The following PPM1L variants were observed in gnomAD, a reference collection of about 807,000 sequenced individuals.
The protein encoded by PPM1L is protein phosphatase, Mg2+/Mn2+ dependent 1L.
In PPM1L, 13 loss-of-function variants were observed where a neutral mutation model predicts 31.4. That is an observed-to-expected ratio of 0.41 (90% CI 0.27 to 0.66). The LOEUF (loss-of-function observed/expected upper bound fraction) is 0.66, where lower values mean the gene tolerates loss of function less well. PPM1L is among the 30% of genes least tolerant of loss of function. The pLI, the probability that PPM1L is intolerant of heterozygous loss-of-function variation, is 0.29. For missense variants in PPM1L, 326 were observed against 453.7 expected (o/e 0.72, Z 2.56); for synonymous variants, 184 against 175.4 (o/e 1.05, Z -0.39).
intron 2 of PPM1L, among the ~76,000 whole-genome samples, chr3:160,964,404 T>C (rs1421894026): frequency 2.0e-5 from 3 of 151,904 alleles, no homozygotes; most frequent in Non-Finnish European, 2.9e-5. Flanking sequence ...AAAAAATATA[T>C]TTACTGTATT....
At chr3:160,973,142 A>G (rs910781300) in intron 2 of PPM1L, among the ~76,000 whole-genome samples, 53 of 152,350 alleles carry the variant, frequency 3.5e-4, no homozygotes, top group African/African-American at 1.2e-3. Flanking sequence ...AACTTTGCTG[A>G]GAAAACCAGA....
intron 2 of PPM1L, among the ~76,000 whole-genome samples, chr3:161,035,360 G>A (rs537945930): frequency 6.6e-6 from 1 of 152,314 alleles, no homozygotes; most frequent in East Asian, 1.9e-4. Flanking sequence ...TCTGTTTCAT[G>A]GTTTGTGTTG....
At chr3:160,799,767 C>T (rs1395186439) in intron 1 of PPM1L, among the ~76,000 whole-genome samples, 1 of 152,186 alleles carries the variant, frequency 6.6e-6, no homozygotes, top group Non-Finnish European at 1.5e-5. Flanking sequence ...TGTATGTCAC[C>T]TATCAGAGAG....
rs1715279698 is a variant in PPM1L at position 160,944,780 on chromosome 3, ATAT to A, written c.400-16952_400-16950del. 4.5e-5 allele frequency among the ~76,000 whole-genome samples: 3 copies of A among 66,446 alleles called. 1 individual carries two copies. Among genetic ancestry groups the A allele is most frequent in the Non-Finnish European group, 7.3e-5 (2 of 27,326 alleles). 43.6% of individuals were successfully genotyped at this position (66,446 alleles called of 152,430 possible). On this transcript the variant is annotated intron_variant, in intron 1 of 3. Transcript: ENST00000498165. Reference sequence around the variant, plus strand: ...TGTTATATATAACATGTTATATATTATATTATATATGTTATATATAACATATAT... The same window carrying A: ...TGTTATATATAACATGTTATATATTATATATATGTTATATATAACATATAT...
intron 1 of PPM1L, among the ~76,000 whole-genome samples, chr3:160,809,782 T>C (rs181999961): frequency 4.5e-4 from 68 of 152,264 alleles, no homozygotes; most frequent in African/African-American, 1.5e-3. Context: ...CTGAATGTTA[T>C]TTACTCCATC....
At chr3:161,040,384 G>T (rs1208515329) in intron 2 of PPM1L, among the ~76,000 whole-genome samples, 1 of 152,062 alleles carries the variant, frequency 6.6e-6, no homozygotes, top group Non-Finnish European at 1.5e-5. Context: ...TGTATCGAGG[G>T]ACTGATATAA....
intron 2 of PPM1L, among the ~76,000 whole-genome samples, chr3:161,047,922 A>G (rs1301721012): frequency 2.0e-4 from 31 of 152,254 alleles, no homozygotes; most frequent in Admixed American, 2.0e-3. Context: ...CTTACACCTT[A>G]TACAAAAATT....
At chr3:161,046,274 A>G (rs1292341461) in intron 2 of PPM1L, among the ~76,000 whole-genome samples, 1 of 152,194 alleles carries the variant, frequency 6.6e-6, no homozygotes, top group Non-Finnish European at 1.5e-5. Context: ...CCGATCCCAC[A>G]GAAATACAAA....
intron 2 of PPM1L, among the ~76,000 whole-genome samples, chr3:161,025,415 T>A (rs1036403011): frequency 6.6e-6 from 1 of 151,668 alleles, no homozygotes. Flanking sequence ...TTAAAAAAAA[T>A]AAATAAATTA....
chr3:160,895,671 G>A (rs1433660265), intron 1 of PPM1L, among the ~76,000 whole-genome samples: 1 of 152,132 alleles, frequency 6.6e-6, no homozygotes, highest in African/African-American at 2.4e-5. Context: ...TTTGTTTGTG[G>A]TTCTTGATCC....
intron 1 of PPM1L, among the ~76,000 whole-genome samples, chr3:160,810,288 CT>C (rs1712769044): frequency 6.6e-6 from 1 of 151,984 alleles, no homozygotes; most frequent in African/African-American, 2.4e-5. Context: ...AAGAAGGGAG[CT>C]GCTTTTATTG....
intron 1 of PPM1L, among the ~76,000 whole-genome samples, chr3:160,799,128 C>T (rs1712347622): frequency 6.6e-6 from 1 of 152,158 alleles, no homozygotes; most frequent in Non-Finnish European, 1.5e-5. Context: ...TGGGATCTAT[C>T]CTGGTGAAGA....
At chr3:161,035,331 G>T (rs1180987555) in intron 2 of PPM1L, among the ~76,000 whole-genome samples, 1 of 152,192 alleles carries the variant, frequency 6.6e-6, no homozygotes, top group African/African-American at 2.4e-5. Flanking sequence ...GCTCAAGCCT[G>T]ATGTAAAACA....
At chr3:160,759,142 TG>T (rs1203711237) in intron 1 of PPM1L, among the ~76,000 whole-genome samples, 11 of 152,126 alleles carry the variant, frequency 7.2e-5, no homozygotes, top group Non-Finnish European at 1.5e-4. Flanking sequence ...CAGAGGAGGG[TG>T]CCACTGTTTG....
chr3:161,017,469 G>A (rs968721553), intron 2 of PPM1L, among the ~76,000 whole-genome samples: 1 of 152,100 alleles, frequency 6.6e-6, no homozygotes, highest in African/African-American at 2.4e-5. Flanking sequence ...CAAGTTTCGA[G>A]TACCTAGCTG....
intron 1 of PPM1L, among the ~76,000 whole-genome samples, chr3:160,953,878 A>G (rs775172981): frequency 6.6e-6 from 1 of 152,126 alleles, no homozygotes; most frequent in Non-Finnish European, 1.5e-5. Context: ...TTAGCTTCCA[A>G]TTACGCAGCA....
chr3:161,039,496 T>A (rs77203321), intron 2 of PPM1L, among the ~76,000 whole-genome samples: 7,081 of 152,232 alleles, frequency 0.047, 188 homozygotes, highest in Non-Finnish European at 0.062. Context: ...CTTGGAATTT[T>A]ATGAAACTCA....
chr3:160,981,502 T>C (rs1206678997), intron 2 of PPM1L, among the ~76,000 whole-genome samples: 1 of 152,138 alleles, frequency 6.6e-6, no homozygotes, highest in East Asian at 1.9e-4. Context: ...ATAATGTGAA[T>C]GTCGAAAGTG....
Position 160,970,788 on chromosome 3 carries a change from T to TTC in PPM1L, c.574+8879_574+8880insCT, listed in dbSNP as rs1473612302. Among the ~76,000 whole-genome samples the TTC allele has an allele frequency of 3.9e-3, 202 of 51,224 alleles. 18 individuals carry two copies. The highest frequency in any genetic ancestry group is 8.4e-3 in the African/African-American group (142 of 16,910). 33.6% of individuals were successfully genotyped at this position (51,224 alleles called of 152,430 possible). A position where few individuals can be genotyped will look rare whatever the true frequency, so the allele number is the denominator to read the frequency against. ...AAGCTGATTTTAATTTCAGTTATAA[T>TTC]TTTTTTTTTTTTTTTTTTTTTGAGA... is the stretch of plus-strand genomic sequence containing the variant. On this transcript the variant is annotated intron_variant, in intron 2 of 3. Transcript: ENST00000498165.
Sources: allele counts gnomAD v4.1 joint callset (sites outside exome capture counted in the v4.1 genomes callset), GRCh38; gene constraint gnomAD v4.1.1; transcripts MANE v1.5; gene names NCBI Gene and HGNC (gene_info 2026-07-23, HGNC 2026-07-21).